CDC73: variants seen among roughly 807,000 people sequenced by gnomAD.
The protein encoded by CDC73 is cell division cycle 73, also known as parafibromin.
CDC73 carries 21 observed loss-of-function variants against 83.7 expected under a neutral mutation model. That is an observed-to-expected ratio of 0.25 (90% confidence interval 0.18 to 0.36). The LOEUF (loss-of-function observed/expected upper bound fraction) is 0.36, where lower values mean the gene tolerates loss of function less well. Among genes scored for constraint, CDC73 ranks in the 10% least tolerant of loss-of-function variants. The pLI, the probability that CDC73 is intolerant of heterozygous loss-of-function variation, is 1.00. For missense variants in CDC73, 342 were observed against 653.3 expected (o/e 0.52, Z 5.19); for synonymous variants, 224 against 212.9 (o/e 1.05, Z -0.45).
intron 10 of CDC73, among the ~76,000 whole-genome samples, chr1:193,190,197 C>T (rs1407233093): frequency 1.3e-5 from 2 of 152,144 alleles, no homozygotes; most frequent in African/African-American, 2.4e-5. Flanking sequence ...TCCACCATAC[C>T]ACTCTGAAAA....
At chr1:193,154,816 A>G (rs973029981) in intron 10 of CDC73, among the ~76,000 whole-genome samples, 6 of 151,942 alleles carry the variant, frequency 3.9e-5, no homozygotes, top group South Asian at 4.2e-4. Flanking sequence ...ATTACTACCT[A>G]TTTGTGAGCT....
chr1:193,166,660 T>C (rs1015622499), intron 10 of CDC73, among the ~76,000 whole-genome samples: 4 of 151,812 alleles, frequency 2.6e-5, no homozygotes, highest in African/African-American at 9.7e-5. Context: ...TCTTTTTTTT[T>C]TTTTTTGAGA....
At chr1:193,186,908 T>A (rs79776421) in intron 10 of CDC73, among the ~76,000 whole-genome samples, 3,013 of 152,258 alleles carry the variant, frequency 0.02, 98 homozygotes, top group African/African-American at 0.068. Context: ...GATGTTGGTT[T>A]TCATGTTTCT....
chr1:193,222,288 G>A (rs1244112619), intron 13 of CDC73, among the ~76,000 whole-genome samples: 1 of 152,138 alleles, frequency 6.6e-6, no homozygotes, highest in Non-Finnish European at 1.5e-5. Context: ...TATGTAGAGG[G>A]TTCTCCTTAC....
rs1572229375 is a variant in CDC73, at chr1:193,254,410, C to T, written c.*3698C>T. On this transcript the variant is annotated 3_prime_UTR_variant, in exon 17 of 17. Transcript: ENST00000367435. ...TTATTCACTTGTGTTTGAGATTCAC[C>T]CAGCTATTCTAATGATAGAAATAAA... 6.6e-6 allele frequency among the ~76,000 whole-genome samples: 1 copy of T among 151,862 alleles called. No individual in the cohort carries two copies. The highest frequency in any genetic ancestry group is 2.4e-5 in the African/African-American group (1 of 41,366).
intron 10 of CDC73, among the ~76,000 whole-genome samples, chr1:193,174,031 G>C (rs1264623042): frequency 6.6e-6 from 1 of 152,000 alleles, no homozygotes; most frequent in East Asian, 1.9e-4. Flanking sequence ...ATTTCATTAA[G>C]AGATTAATGA....
chr1:193,168,857 A>G (rs1230838178), intron 10 of CDC73, among the ~76,000 whole-genome samples: 1 of 152,206 alleles, frequency 6.6e-6, no homozygotes, highest in Non-Finnish European at 1.5e-5. Context: ...GTCATCGACA[A>G]TAGGTAAATG....
chr1:193,226,861 C>T (rs183425549), intron 13 of CDC73, among the ~76,000 whole-genome samples: 1 of 152,122 alleles, frequency 6.6e-6, no homozygotes, highest in Non-Finnish European at 1.5e-5. Context: ...TTCTCTTTCT[C>T]TATCTTGTGG....
chr1:193,181,868 T>G (rs1283885472), intron 10 of CDC73, among the ~76,000 whole-genome samples: 2 of 152,144 alleles, frequency 1.3e-5, no homozygotes, highest in African/African-American at 4.8e-5. Flanking sequence ...AAATATACCT[T>G]TGTAGCACAG....
At chr1:193,135,985 C>T (rs1240829479) in intron 5 of CDC73, among the ~76,000 whole-genome samples, 1 of 151,752 alleles carries the variant, frequency 6.6e-6, no homozygotes, top group Non-Finnish European at 1.5e-5. Context: ...CCCCCCACCT[C>T]AGCCTCCCGA....
chr1:193,141,912 A>G lies in CDC73; in HGVS notation c.575A>G (p.Lys192Arg). The G allele has an allele frequency of 6.2e-7, 1 of 1,613,922 alleles. No homozygotes were observed. Among genetic ancestry groups the G allele is most frequent in the Non-Finnish European group, 8.5e-7 (1 of 1,179,830 alleles). Residue 192 changes from lysine (K) to arginine (R), a missense_variant, in exon 7 of 17, where the codon AAG (lysine) becomes AGG (arginine). Around this residue, in one of 3 missense-constraint regions of CDC73, gnomAD observed 239 missense variants for 420.6 expected, o/e 0.57. Coordinates refer to ENST00000367435, the MANE Select transcript of CDC73 (RefSeq NM_024529.5). ...IAAIKAKIMA[K>R]KRSTIKTDLD... ...GCAATCAAAGCCAAAATTATGGCTA[A>G]GAAAAGATCTACTATCAAGACTGAT...
chr1:193,188,936 T>A (rs1017466546), intron 10 of CDC73, among the ~76,000 whole-genome samples: 8 of 151,396 alleles, frequency 5.3e-5, no homozygotes, highest in African/African-American at 1.7e-4. Context: ...AGCTGCAACC[T>A]CTTTCTTTCT....
At chr1:193,214,578 G>A (rs909947456) in intron 13 of CDC73, among the ~76,000 whole-genome samples, 7 of 152,132 alleles carry the variant, frequency 4.6e-5, no homozygotes, top group Non-Finnish European at 1.0e-4. Context: ...AATTAGCCGG[G>A]CATGGTGGCA....
At chr1:193,126,942 G>C (rs1675586174) in intron 2 of CDC73, among the ~76,000 whole-genome samples, 1 of 152,050 alleles carries the variant, frequency 6.6e-6, no homozygotes, top group Non-Finnish European at 1.5e-5. Context: ...TCTGGCTTAT[G>C]TATCTTTCAA....
At chr1:193,136,347 A>G (rs1340470657) in intron 5 of CDC73, among the ~76,000 whole-genome samples, 1 of 152,188 alleles carries the variant, frequency 6.6e-6, no homozygotes, top group Non-Finnish European at 1.5e-5. Context: ...AGCTGTGAAC[A>G]TGAAGTACTT....
At position 193,141,813 on chromosome 1, in the gene CDC73, G is replaced by A. The variant is rs570632078; in HGVS notation, c.513-37G>A. 4.7e-6 allele frequency: 6 copies of A among 1,276,558 alleles called. No individual in the cohort carries two copies. In the East Asian group the frequency reaches 1.4e-4, roughly 30 times the overall value. The allele number at this position is 1,276,558 out of a possible 1,614,324, so 79.1% of individuals were successfully genotyped here. ...TATATTTATGATACACTCCAGGAAT[G>A]CCTGCTGTGAAAATTTAAAAAAGAA... On this transcript the variant is annotated intron_variant, in intron 6 of 16. Coordinates refer to ENST00000367435, the MANE Select transcript of CDC73 (RefSeq NM_024529.5).
At position 193,204,205 on chromosome 1, in the gene CDC73, GTGTATATATA is replaced by G. The variant is rs10547632; in HGVS notation, c.1030+374_1030+383del. Among the ~76,000 whole-genome samples the G allele has an allele frequency of 1.4e-3, 19 of 13,966 alleles. No individual in the cohort carries two copies. The South Asian group carries it at 0.017, about 13-fold the overall frequency. The allele number at this position is 13,966 out of a possible 152,430, so 9.2% of individuals were successfully genotyped here. On this transcript the variant is annotated intron_variant, in intron 11 of 16. Coordinates refer to ENST00000367435, the MANE Select transcript of CDC73 (RefSeq NM_024529.5). The stretch of plus-strand genomic sequence containing the variant: ...TATACACACACACACATATATATAC[GTGTATATATA>G]TGTATATATATGTATATATACACGT...
At position 193,212,371 on chromosome 1, in the gene CDC73, G is replaced by A. The variant is rs1356457877; in HGVS notation, c.1067-19G>A. ...ATTTCTAATAATATATTTTCTACCT[G>A]TAAATTTTGTCTTTATAGGATCTCG... On this transcript the variant is annotated intron_variant, in intron 12 of 16. Coordinates refer to ENST00000367435, the MANE Select transcript of CDC73 (RefSeq NM_024529.5). The A allele has an allele frequency of 2.1e-6, 3 of 1,433,146 alleles. No homozygotes were observed. The highest frequency in any genetic ancestry group is 2.9e-6 in the Non-Finnish European group (3 of 1,030,974). The allele number at this position is 1,433,146 out of a possible 1,614,324, so 88.8% of individuals were successfully genotyped here. A position where few individuals can be genotyped will look rare whatever the true frequency, so the allele number is the denominator to read the frequency against.
chr1:193,155,991 T>C (rs1676200830), intron 10 of CDC73, among the ~76,000 whole-genome samples: 1 of 152,198 alleles, frequency 6.6e-6, no homozygotes, highest in Admixed American at 6.6e-5. Context: ...CTCAGAATTA[T>C]GTGTTAGAAG....
Sources: allele counts gnomAD v4.1 joint callset (sites outside exome capture counted in the v4.1 genomes callset), GRCh38; gene constraint gnomAD v4.1.1; regional missense constraint gnomAD v4.1.1; transcripts MANE v1.5; gene names NCBI Gene and HGNC (gene_info 2026-07-23, HGNC 2026-07-21).